Variants in ATXN1 observed in about 807,000 individuals in gnomAD.
The protein encoded by ATXN1 is ataxin 1.
Under a neutral mutation model 56.4 loss-of-function variants are expected in ATXN1, and 8 were observed. The observed-to-expected ratio is 0.14, with a 90% confidence interval of 0.08 to 0.26. ATXN1 has a LOEUF of 0.26. Ranked by LOEUF, ATXN1 falls within the 10% of genes least tolerant of loss-of-function variation. ATXN1 has a pLI of 1.00. For synonymous variants in ATXN1, 514 were observed against 494.6 expected (o/e 1.04, Z -0.52); for missense variants, 987 against 1,106.5 (o/e 0.89, Z 1.53).
rs1010812573 is a variant in ATXN1, at chr6:16,333,669, C to T, written c.-160-5199G>A. Among the ~76,000 whole-genome samples, 6 of 152,188 alleles carry T rather than the reference C, an allele frequency of 3.9e-5. No individual in the cohort carries two copies. In the East Asian group the frequency reaches 7.7e-4, roughly 19 times the overall value. ...TTTCAGCTTTAAAGAAGAGGAAGAGCAGGCTGATGAGCTTGTGCCAGGACT... is the reference window on the plus strand; with the variant it reads ...TTTCAGCTTTAAAGAAGAGGAAGAGTAGGCTGATGAGCTTGTGCCAGGACT... On this transcript the variant is annotated intron_variant, in intron 6 of 7. Coordinates refer to ENST00000436367, the MANE Select transcript of ATXN1 (RefSeq NM_001128164.2).
intron 6 of ATXN1, among the ~76,000 whole-genome samples, chr6:16,412,135 C>T (rs1383355509): frequency 6.6e-6 from 1 of 152,142 alleles, no homozygotes; most frequent in African/African-American, 2.4e-5. Context: ...AATGTTGATT[C>T]ACTGAATTGT....
chr6:16,309,131 G>C (rs113594805), intron 7 of ATXN1, among the ~76,000 whole-genome samples: 3,777 of 151,608 alleles, frequency 0.025, 70 homozygotes, highest in Non-Finnish European at 0.04. Context: ...TCAGGAGGCT[G>C]AGGCAGGAGG....
intron 5 of ATXN1, among the ~76,000 whole-genome samples, chr6:16,519,377 G>C (rs1319674034): frequency 6.6e-6 from 1 of 152,188 alleles, no homozygotes; most frequent in Non-Finnish European, 1.5e-5. Flanking sequence ...TTATATAGAT[G>C]AGGAAACATT....
In ATXN1 at chr6:16,306,479, G is replaced by T; in HGVS notation, c.2298C>A (p.Pro766=). The part of the protein sequence containing the change: ...PFLTKIEPSK[P]AATRKRRWSA... The stretch of plus-strand genomic sequence containing the variant: ...ACCACCTCCTCTTCCTCGTTGCCGC[G>T]GGCTTGCTGGGTTCTATTTTGGTGA... Residue 766 remains proline, a synonymous_variant, in exon 8 of 8, where the codon CCC becomes CCA. Transcript: ENST00000436367. This position sits in a 1 kb window ranked among gnomAD's most constrained non-coding sequence, Gnocchi z 5.2. 1 of 1,614,152 alleles carries T rather than the reference G, an allele frequency of 6.2e-7. No homozygotes were observed. Among genetic ancestry groups the T allele is most frequent in the Non-Finnish European group, 8.5e-7 (1 of 1,180,034 alleles).
intron 5 of ATXN1, among the ~76,000 whole-genome samples, chr6:16,518,701 C>G (rs1044233546): frequency 6.6e-6 from 1 of 152,196 alleles, no homozygotes; most frequent in East Asian, 1.9e-4. Context: ...CCTAATCTAT[C>G]AAACCTAATC....
At chr6:16,350,971 C>G (rs949520286) in intron 6 of ATXN1, among the ~76,000 whole-genome samples, 2 of 152,186 alleles carry the variant, frequency 1.3e-5, no homozygotes, top group African/African-American at 4.8e-5. Context: ...GCAGTCCCAG[C>G]AACTTGGGAG....
intron 4 of ATXN1, among the ~76,000 whole-genome samples, chr6:16,549,670 G>T (rs528125083): frequency 6.6e-6 from 1 of 152,206 alleles, no homozygotes; most frequent in South Asian, 2.1e-4. Flanking sequence ...GGCAGAGATG[G>T]GCGGATCACC....
intron 4 of ATXN1, among the ~76,000 whole-genome samples, chr6:16,560,124 A>G (rs952792447): frequency 6.6e-6 from 1 of 152,240 alleles, no homozygotes; most frequent in African/African-American, 2.4e-5. Flanking sequence ...GCAAAGAAAA[A>G]GACCAATTTT....
chr6:16,373,938 C>A (rs978917554), intron 6 of ATXN1, among the ~76,000 whole-genome samples: 2 of 152,150 alleles, frequency 1.3e-5, no homozygotes, highest in African/African-American at 4.8e-5. Context: ...AATGCTTTTC[C>A]TATTGCTGAT....
rs181970865 is a variant in ATXN1, at chr6:16,711,516, T to C, written c.-615+41717A>G. The stretch of plus-strand genomic sequence containing the variant: ...TGATAAATGACTTAAATCCAGACTA[T>C]ATAAAGAACTCATATATATACACAT... On this transcript the variant is annotated intron_variant, in intron 2 of 7. Coordinates refer to ENST00000436367, the MANE Select transcript of ATXN1 (RefSeq NM_001128164.2). Among the ~76,000 whole-genome samples the C allele has an allele frequency of 2.6e-4, 40 of 151,800 alleles. 1 individual carries two copies. Among genetic ancestry groups the C allele is most frequent in the African/African-American group, 9.2e-4 (38 of 41,352 alleles).
intron 4 of ATXN1, among the ~76,000 whole-genome samples, chr6:16,559,917 C>A (rs999313090): frequency 2.0e-5 from 3 of 151,950 alleles, no homozygotes; most frequent in African/African-American, 7.3e-5. Context: ...CTGATTTCAA[C>A]TTTTCCCAAA....
intron 6 of ATXN1, among the ~76,000 whole-genome samples, chr6:16,458,495 C>T (rs370321996): frequency 5.3e-5 from 8 of 152,122 alleles, no homozygotes; most frequent in Admixed American, 1.3e-4. Context: ...GCTCCAAAAG[C>T]GAGCCCTTGG....
At chr6:16,687,107 G>A (rs993395794) in intron 2 of ATXN1, among the ~76,000 whole-genome samples, 1 of 152,188 alleles carries the variant, frequency 6.6e-6, no homozygotes, top group Non-Finnish European at 1.5e-5. Flanking sequence ...ATTACAACCA[G>A]GAGGCCAAGC....
At chr6:16,611,279 A>G (rs2113790701) in intron 3 of ATXN1, among the ~76,000 whole-genome samples, 1 of 152,324 alleles carries the variant, frequency 6.6e-6, no homozygotes, top group Non-Finnish European at 1.5e-5. Context: ...CAGCTTCCTC[A>G]CTTTGCTCAT....
intron 3 of ATXN1, among the ~76,000 whole-genome samples, chr6:16,653,439 G>A (rs996427200): frequency 3.9e-5 from 6 of 152,192 alleles, no homozygotes; most frequent in Non-Finnish European, 7.3e-5. Context: ...GACAACCTGC[G>A]AGGCCTAACA....
rs1581350853 is a variant in ATXN1 at position 16,671,607 on chromosome 6, G to C, written c.-614-13706C>G. Among the ~76,000 whole-genome samples the C allele has an allele frequency of 2.0e-5, 3 of 152,256 alleles. No individual in the cohort carries two copies. In the South Asian group the frequency reaches 6.2e-4, roughly 32 times the overall value. On this transcript the variant is annotated intron_variant, in intron 2 of 7. Coordinates refer to ENST00000436367, the MANE Select transcript of ATXN1 (RefSeq NM_001128164.2). ...ATGGAATGACAGCCTGGTTACAAAT[G>C]ATTAAAAAGGGACTCACAGAGTCTA...
intron 7 of ATXN1, among the ~76,000 whole-genome samples, chr6:16,325,120 T>C (rs1215730153): frequency 3.4e-5 from 2 of 58,236 alleles, no homozygotes; most frequent in African/African-American, 1.4e-4. Context: ...TTCCATCTGT[T>C]TTTTTTTTTT....
chr6:16,413,107 A>C (rs1758832215), intron 6 of ATXN1, among the ~76,000 whole-genome samples: 1 of 152,258 alleles, frequency 6.6e-6, no homozygotes, highest in Non-Finnish European at 1.5e-5. Context: ...GCACTTGCTG[A>C]GCACTTCGTT....
At chr6:16,746,462 C>T (rs776731019) in intron 2 of ATXN1, among the ~76,000 whole-genome samples, 10 of 152,166 alleles carry the variant, frequency 6.6e-5, no homozygotes, top group African/African-American at 9.7e-5. Flanking sequence ...GACATCAAAA[C>T]GATTTCTACT....
Sources: allele counts gnomAD v4.1 joint callset (sites outside exome capture counted in the v4.1 genomes callset), GRCh38; gene constraint gnomAD v4.1.1; non-coding constraint Gnocchi (gnomAD v3.1); transcripts MANE v1.5; gene names NCBI Gene and HGNC (gene_info 2026-07-23, HGNC 2026-07-21).